IGSF21: variants seen among roughly 807,000 people sequenced by gnomAD.
The protein encoded by IGSF21 is immunoglobulin superfamily member 21.
In IGSF21, 28 loss-of-function variants were observed where a neutral mutation model predicts 46.8. That is an observed-to-expected ratio of 0.60 (90% CI 0.44 to 0.82). The LOEUF (loss-of-function observed/expected upper bound fraction) is 0.82. Ranked by LOEUF, IGSF21 falls within the 40% of genes least tolerant of loss-of-function variation. The probability of loss-of-function intolerance (pLI) is 0.00; values close to 1 mark genes in which losing one functional copy is unlikely to be tolerated. For synonymous variants in IGSF21, 284 were observed against 273.6 expected, an observed-to-expected ratio of 1.04 and a Z score of -0.38; for missense variants, 624 against 665.5, an observed-to-expected ratio of 0.94 and a Z score of 0.69.
Position 18,374,398 on chromosome 1 carries a change from G to A in IGSF21, c.1016-1912G>A, listed in dbSNP as rs550326041. 1.8e-4 allele frequency among the ~76,000 whole-genome samples: 27 copies of A among 152,274 alleles called. No homozygotes were observed. In the Middle Eastern group the frequency reaches 0.014, roughly 77 times the overall value. Reference sequence around the variant, plus strand: ...CCTGCCACTGCCTGATGTTCCTAACGGCCCCGCGTGTTAGGCAAGGGGTAT... The same window carrying A: ...CCTGCCACTGCCTGATGTTCCTAACAGCCCCGCGTGTTAGGCAAGGGGTAT... On this transcript the variant is annotated intron_variant, in intron 6 of 9. Transcript: ENST00000251296.
chr1:18,108,706 T>G (rs868840736), intron 1 of IGSF21, among the ~76,000 whole-genome samples: 16 of 150,642 alleles, frequency 1.1e-4, no homozygotes, highest in Middle Eastern at 6.8e-3. Flanking sequence ...GGGTGTGAGG[T>G]GTTAGGGGGT....
At chr1:18,273,474 TTCTTTC>T (rs1315789541) in intron 2 of IGSF21, among the ~76,000 whole-genome samples, 1 of 48,936 alleles carries the variant, frequency 2.0e-5, no homozygotes, top group Non-Finnish European at 4.0e-5. Flanking sequence ...CTTTCTTTCT[TTCTTTC>T]TTTCTTTCTT....
intron 2 of IGSF21, among the ~76,000 whole-genome samples, chr1:18,285,189 C>CTTTTT (rs11346536): frequency 7.1e-6 from 1 of 140,548 alleles, no homozygotes; most frequent in African/African-American, 2.6e-5. Flanking sequence ...TTCCCCTTTT[C>CTTTTT]TTTTTTTTTT....
At chr1:18,199,440 G>A (rs1387567068) in intron 1 of IGSF21, among the ~76,000 whole-genome samples, 3 of 152,196 alleles carry the variant, frequency 2.0e-5, no homozygotes, top group Admixed American at 1.3e-4. Context: ...TTTGACTGCT[G>A]TTGGATACAC....
intron 1 of IGSF21, among the ~76,000 whole-genome samples, chr1:18,135,879 C>T (rs2086364192): frequency 1.3e-5 from 2 of 152,184 alleles, no homozygotes; most frequent in South Asian, 4.1e-4. Flanking sequence ...GTCCCACCAG[C>T]AGTGTAAAAG....
chr1:18,284,978 T>C (rs2124559469), intron 2 of IGSF21, among the ~76,000 whole-genome samples: 1 of 152,036 alleles, frequency 6.6e-6, no homozygotes, highest in African/African-American at 2.4e-5. Flanking sequence ...TGGAGAGGAG[T>C]TGGGATAATG....
At chr1:18,148,724 G>GT (rs1030033362) in intron 1 of IGSF21, among the ~76,000 whole-genome samples, 1 of 152,190 alleles carries the variant, frequency 6.6e-6, no homozygotes, top group Admixed American at 6.5e-5. Flanking sequence ...GTGTGCCACG[G>GT]TGAGTAAGCA....
At chr1:18,156,778 C>T (rs953006673) in intron 1 of IGSF21, among the ~76,000 whole-genome samples, 1 of 152,184 alleles carries the variant, frequency 6.6e-6, no homozygotes, top group Non-Finnish European at 1.5e-5. Flanking sequence ...TGCAGGTGAC[C>T]GGGCAGGGTG....
chr1:18,128,651 G>T (rs1282917703), intron 1 of IGSF21, among the ~76,000 whole-genome samples: 1 of 152,126 alleles, frequency 6.6e-6, no homozygotes, highest in African/African-American at 2.4e-5. Context: ...AGAACTCCAC[G>T]TGGTGGGCCC....
intron 2 of IGSF21, among the ~76,000 whole-genome samples, chr1:18,283,124 C>T (rs550638953): frequency 6.6e-6 from 1 of 152,206 alleles, no homozygotes; most frequent in African/African-American, 2.4e-5. Flanking sequence ...GCTGCAGCCG[C>T]TCTCCTCCCT....
At chr1:18,268,320 C>A (rs1188926571) in intron 2 of IGSF21, among the ~76,000 whole-genome samples, 1 of 152,246 alleles carries the variant, frequency 6.6e-6, no homozygotes, top group Non-Finnish European at 1.5e-5. Flanking sequence ...CAGGGCAGGG[C>A]TCTTTCTGCT....
At chr1:18,330,383 G>C (rs1034158011) in intron 3 of IGSF21, among the ~76,000 whole-genome samples, 1 of 152,158 alleles carries the variant, frequency 6.6e-6, no homozygotes, top group African/African-American at 2.4e-5. Flanking sequence ...GGTGTACAGC[G>C]ATCTCTGTTA....
At chr1:18,205,216 G>A (rs922947942) in intron 1 of IGSF21, among the ~76,000 whole-genome samples, 2 of 151,990 alleles carry the variant, frequency 1.3e-5, no homozygotes, top group African/African-American at 4.8e-5. Context: ...ATTAACCATG[G>A]CTTTCTCTGT....
chr1:18,314,522 G>T (rs2085521368), intron 3 of IGSF21, among the ~76,000 whole-genome samples: 1 of 152,184 alleles, frequency 6.6e-6, no homozygotes. Context: ...CTCTGCTACG[G>T]CCTCTACAGG....
At chr1:18,283,493 G>A (rs539800519) in intron 2 of IGSF21, among the ~76,000 whole-genome samples, 5 of 152,276 alleles carry the variant, frequency 3.3e-5, no homozygotes, top group South Asian at 4.1e-4. Context: ...CTGCAAGAGC[G>A]GTTTCAGGGT....
At chr1:18,134,012 C>A (rs1476268325) in intron 1 of IGSF21, among the ~76,000 whole-genome samples, 2 of 152,090 alleles carry the variant, frequency 1.3e-5, no homozygotes, top group Non-Finnish European at 2.9e-5. Flanking sequence ...TGATAATGTG[C>A]CAGGCTTTGG....
intron 1 of IGSF21, among the ~76,000 whole-genome samples, chr1:18,223,041 T>C (rs2084527035): frequency 6.6e-6 from 1 of 152,174 alleles, no homozygotes; most frequent in Non-Finnish European, 1.5e-5. Context: ...CCTCCAGACC[T>C]GAGACTTAGA....
rs181388697 is a variant in IGSF21, at chr1:18,335,794, C to T, written c.424+784C>T. Among the ~76,000 whole-genome samples, 552 of 152,276 alleles carry T rather than the reference C, an allele frequency of 3.6e-3. 6 individuals are homozygous for T. The highest frequency in any genetic ancestry group is 0.012 in the African/African-American group (509 of 41,554). On this transcript the variant is annotated intron_variant, in intron 4 of 9. Transcript: ENST00000251296. The surrounding 1 kb of genome is among the most constrained non-coding windows in gnomAD (Gnocchi z 4.8). The stretch of plus-strand genomic sequence containing the variant: ...AAAGCATAAAGGCCCTGCTGAAAGC[C>T]GCCGCTTCTGGGGAAATTGAAAACC...
At chr1:18,262,215 C>A (rs151067979) in intron 2 of IGSF21, among the ~76,000 whole-genome samples, 3 of 152,274 alleles carry the variant, frequency 2.0e-5, no homozygotes, top group African/African-American at 7.2e-5. Flanking sequence ...GATGGGGAAG[C>A]TGGAGTATTT....
Sources: gnomAD v4.1 joint callset for allele counts (sites outside exome capture counted in the v4.1 genomes callset) on GRCh38, gnomAD v4.1.1 for gene constraint, Gnocchi (gnomAD v3.1) non-coding constraint, MANE v1.5 for transcripts, NCBI Gene and HGNC (gene_info 2026-07-23, HGNC 2026-07-21) for gene names.